The following GLMN variants were observed in gnomAD, a reference collection of about 807,000 sequenced individuals.
GLMN encodes the protein glomulin, FKBP associated protein.
Under a neutral mutation model 87.8 loss-of-function variants are expected in GLMN, and 75 were observed. That is an observed-to-expected ratio of 0.85 (90% CI 0.71 to 1.04). The LOEUF (loss-of-function observed/expected upper bound fraction) is 1.04. GLMN is among the 50% of genes least tolerant of loss of function. The pLI, the probability that GLMN is intolerant of heterozygous loss-of-function variation, is 0.00. For missense variants in GLMN, 588 were observed against 658.8 expected, an observed-to-expected ratio of 0.89 and a Z score of 1.18; for synonymous variants, 206 against 221.6, an observed-to-expected ratio of 0.93 and a Z score of 0.63.
At chr1:92,344,718 G>T in the GLMN span, among the ~76,000 whole-genome samples, 51 of 152,104 alleles carry the variant, frequency 3.4e-4, no homozygotes, top group African/African-American at 1.2e-3. Flanking sequence ...TGTGTTAAAG[G>T]CACTATTTCT....
At chr1:92,359,369 G>T in the GLMN span, among the ~76,000 whole-genome samples, 39,275 of 152,110 alleles carry the variant, frequency 0.26, 6,517 homozygotes, top group Non-Finnish European at 0.35. Context: ...GCCCAAGCTG[G>T]AGTGCAATGG....
chr1:92,364,507 AT>A, the GLMN span, among the ~76,000 whole-genome samples: 1 of 151,642 alleles, frequency 6.6e-6, no homozygotes. Flanking sequence ...ATTTTTTTTT[AT>A]TTTTTGCTGG....
rs147974698 is a variant in GLMN at position 92,279,717 on chromosome 1, C to T, written c.735+6773G>A. Among the ~76,000 whole-genome samples, 1,151 of 152,320 alleles carry T rather than the reference C, an allele frequency of 7.6e-3. 7 individuals are homozygous for T. The highest frequency in any genetic ancestry group is 0.015 in the Admixed American group (225 of 15,308). Reference sequence around the variant, plus strand: ...CCTTCCTAGCCAAGGGAAGCCGTGACAGACTGTTTCTGGAGAAACAGTACA... The same window carrying T: ...CCTTCCTAGCCAAGGGAAGCCGTGATAGACTGTTTCTGGAGAAACAGTACA... On this transcript the variant is annotated intron_variant, in intron 7 of 18. Coordinates refer to ENST00000370360, the MANE Select transcript of GLMN (RefSeq NM_053274.3).
the GLMN span, among the ~76,000 whole-genome samples, chr1:92,310,112 C>CTA: frequency 8.5e-5 from 13 of 152,242 alleles, no homozygotes; most frequent in Non-Finnish European, 1.3e-4. Flanking sequence ...AGTGAATAAT[C>CTA]TATATATATG....
chr1:92,304,342 A>G, the GLMN span: 1 of 1,514,356 alleles, frequency 6.6e-7, no homozygotes, highest in Non-Finnish European at 9.1e-7. Context: ...GATATTACTG[A>G]AAGAAAGGTG....
chr1:92,338,919 A>AT, the GLMN span, among the ~76,000 whole-genome samples: 9 of 152,022 alleles, frequency 5.9e-5, no homozygotes, highest in Admixed American at 5.9e-4. Context: ...CATTTCATTG[A>AT]TTTTCAAAGG....
chr1:92,260,617 G>GA (rs1013682189), intron 16 of GLMN, among the ~76,000 whole-genome samples: 8 of 151,044 alleles, frequency 5.3e-5, no homozygotes, highest in Admixed American at 2.0e-4. Context: ...TCCATCTCAA[G>GA]AAAAAAAAGA....
intron 7 of GLMN, among the ~76,000 whole-genome samples, chr1:92,282,272 G>C (rs1292969583): frequency 6.6e-6 from 1 of 152,104 alleles, no homozygotes; most frequent in African/African-American, 2.4e-5. Flanking sequence ...ACAACAAACT[G>C]TATCTCAGAC....
At chr1:92,284,703 A>T (rs1394165962) in intron 7 of GLMN, among the ~76,000 whole-genome samples, 2 of 152,186 alleles carry the variant, frequency 1.3e-5, no homozygotes, top group Non-Finnish European at 2.9e-5. Context: ...ATGGGAGAAA[A>T]ATCTTTGCAA....
chr1:92,285,658 CT>C (rs1441755982), intron 7 of GLMN, among the ~76,000 whole-genome samples: 1 of 152,140 alleles, frequency 6.6e-6, no homozygotes, highest in Non-Finnish European at 1.5e-5. Context: ...CCTTGCCCCC[CT>C]CTTGCTCTCT....
At chr1:92,343,020 A>C in the GLMN span, among the ~76,000 whole-genome samples, 2 of 152,212 alleles carry the variant, frequency 1.3e-5, no homozygotes, top group Admixed American at 6.5e-5. Context: ...GAGAGTTGTC[A>C]GCATATAGTT....
At chr1:92,322,509 G>T in the GLMN span, among the ~76,000 whole-genome samples, 3 of 149,588 alleles carry the variant, frequency 2.0e-5, no homozygotes, top group East Asian at 6.1e-4. Flanking sequence ...TTGCCACTGC[G>T]CTCCAGCCTG....
At chr1:92,282,972 G>C (rs1360647935) in intron 7 of GLMN, among the ~76,000 whole-genome samples, 5 of 152,160 alleles carry the variant, frequency 3.3e-5, no homozygotes, top group Non-Finnish European at 7.3e-5. Context: ...TTCTGAAATT[G>C]AGGCAATAAT....
intron 7 of GLMN, 138 bp downstream of exon 7, chr1:92,286,352 T>A (rs1341625944): frequency 2.2e-6 from 1 of 450,640 alleles, no homozygotes; most frequent in Non-Finnish European, 3.9e-6. Flanking sequence ...GCTGTTTTAT[T>A]TTCCATCTTT....
intron 13 of GLMN, among the ~76,000 whole-genome samples, chr1:92,265,070 T>C (rs1655461059): frequency 6.6e-6 from 1 of 152,124 alleles, no homozygotes; most frequent in African/African-American, 2.4e-5. Flanking sequence ...CTCAAACTCC[T>C]GACCTCGTGA....
the GLMN span, among the ~76,000 whole-genome samples, chr1:92,306,826 A>G: frequency 2.6e-5 from 4 of 152,196 alleles, no homozygotes; most frequent in Non-Finnish European, 5.9e-5. Flanking sequence ...TAATAAGTGA[A>G]TGAAGTAAGA....
chr1:92,353,742 T>C, the GLMN span, among the ~76,000 whole-genome samples: 1 of 152,194 alleles, frequency 6.6e-6, no homozygotes, highest in African/African-American at 2.4e-5. Context: ...AAGCAATAAT[T>C]AGATTATTTC....
chr1:92,247,082 G>T lies in GLMN; in HGVS notation c.1648C>A (p.Pro550Thr). Residue 550 changes from proline to threonine, a missense_variant, in exon 18 of 19, where the codon CCT becomes ACT. Coordinates refer to ENST00000370360, the MANE Select transcript of GLMN (RefSeq NM_053274.3). Reference sequence around the variant, plus strand: ...ATCACCTTAAGCTGCATTTCAGGAGGCATATTAGGGATCTCTTCTCCACTT... The same window carrying T: ...ATCACCTTAAGCTGCATTTCAGGAGTCATATTAGGGATCTCTTCTCCACTT... ...TVSGEEIPNM[P>T]PEMQLKVLHS... 2 of 1,549,514 alleles carry T rather than the reference G, an allele frequency of 1.3e-6. No individual in the cohort carries two copies. The highest frequency in any genetic ancestry group is 8.9e-7 in the Non-Finnish European group (1 of 1,122,130).
At chr1:92,322,091 A>T in the GLMN span, among the ~76,000 whole-genome samples, 23 of 151,238 alleles carry the variant, frequency 1.5e-4, no homozygotes, top group Non-Finnish European at 2.7e-4. Flanking sequence ...GACTACAGGC[A>T]TGCGCCACCA....
Sources: gnomAD v4.1 joint callset for allele counts (sites outside exome capture counted in the v4.1 genomes callset) on GRCh38, gnomAD v4.1.1 for gene constraint, MANE v1.5 for transcripts, NCBI Gene and HGNC (gene_info 2026-07-23, HGNC 2026-07-21) for gene names.